The following GPC6 variants were observed in gnomAD, a reference collection of about 807,000 sequenced individuals.
The protein encoded by GPC6 is glypican 6, also known as glypican-6.
Under a neutral mutation model 55.2 loss-of-function variants are expected in GPC6, and 14 were observed. The observed-to-expected ratio is 0.25, with a 90% confidence interval of 0.17 to 0.40. The LOEUF is 0.40. GPC6 is among the 10% of genes least tolerant of loss of function. GPC6 has a pLI of 1.00. For missense variants in GPC6, 641 were observed against 708.5 expected, an observed-to-expected ratio of 0.90 and a Z score of 1.08; for synonymous variants, 278 against 259.6, an observed-to-expected ratio of 1.07 and a Z score of -0.68.
intron 1 of GPC6, among the ~76,000 whole-genome samples, chr13:93,480,923 T>C (rs1398542259): frequency 1.3e-5 from 2 of 152,240 alleles, no homozygotes; most frequent in South Asian, 2.1e-4. Flanking sequence ...TATATGTTTT[T>C]ATGTGAGGGA....
Position 94,372,505 on chromosome 13 carries a change from C to T in GPC6, c.1153-9909C>T, listed in dbSNP as rs1394251535. On this transcript the variant is annotated intron_variant, in intron 6 of 8. Transcript: ENST00000377047. The stretch of plus-strand genomic sequence containing the variant: ...CCACCCGAATACTGCACTTTTCCGA[C>T]GGGCTTAAAAAACGGCGCACCACGA... 2.0e-4 allele frequency among the ~76,000 whole-genome samples: 31 copies of T among 151,978 alleles called. No individual in the cohort carries two copies. In the East Asian group the frequency reaches 5.6e-3, roughly 28 times the overall value.
intron 6 of GPC6, among the ~76,000 whole-genome samples, chr13:94,372,724 G>GGCCT (rs765681201): frequency 8.5e-5 from 13 of 152,196 alleles, no homozygotes; most frequent in Non-Finnish European, 1.3e-4. Flanking sequence ...AGCTCAAGGA[G>GGCCT]GCCTGCCTGC....
At chr13:94,379,091 C>T (rs764502868) in intron 6 of GPC6, among the ~76,000 whole-genome samples, 2 of 151,906 alleles carry the variant, frequency 1.3e-5, no homozygotes, top group African/African-American at 2.4e-5. Context: ...ACCTCAGGTC[C>T]GGAGCTACAG....
intron 1 of GPC6, among the ~76,000 whole-genome samples, chr13:93,263,076 TA>T (rs1366283533): frequency 3.9e-5 from 6 of 152,300 alleles, no homozygotes; most frequent in African/African-American, 1.4e-4. Flanking sequence ...GTGATGCTAC[TA>T]ATTTTTACAA....
intron 4 of GPC6, among the ~76,000 whole-genome samples, chr13:94,150,837 TTG>T (rs1555301327): frequency 4.4e-4 from 63 of 143,946 alleles, no homozygotes; most frequent in African/African-American, 5.7e-4. Flanking sequence ...TATATGTTTA[TTG>T]AATGAGTAAA....
chr13:93,829,263 G>T (rs1368857011), intron 2 of GPC6, among the ~76,000 whole-genome samples: 1 of 152,128 alleles, frequency 6.6e-6, no homozygotes, highest in African/African-American at 2.4e-5. Flanking sequence ...TGTGCAAAAG[G>T]ATAGGTGCCC....
At chr13:93,825,181 G>GGACATTTGATAATGTTTGAT (rs1327758470) in intron 2 of GPC6, among the ~76,000 whole-genome samples, 1 of 152,144 alleles carries the variant, frequency 6.6e-6, no homozygotes, top group Non-Finnish European at 1.5e-5. Flanking sequence ...GTCCCCAAGA[G>GGACATTTGATAATGTTTGAT]GACATTTGAT....
At chr13:93,338,207 A>G (rs527624399) in intron 1 of GPC6, among the ~76,000 whole-genome samples, 1 of 152,316 alleles carries the variant, frequency 6.6e-6, no homozygotes, top group Admixed American at 6.5e-5. Flanking sequence ...TGAGTTGAAT[A>G]TGGGCATTGT....
chr13:94,053,637 A>G (rs1323522452), intron 4 of GPC6, among the ~76,000 whole-genome samples: 1 of 152,158 alleles, frequency 6.6e-6, no homozygotes, highest in Non-Finnish European at 1.5e-5. Context: ...CACTTTCAAA[A>G]GTATTCCTGT....
chr13:94,258,517 C>G (rs1891566049), intron 4 of GPC6, among the ~76,000 whole-genome samples: 1 of 152,182 alleles, frequency 6.6e-6, no homozygotes, highest in African/African-American at 2.4e-5. Flanking sequence ...TATGATGTTG[C>G]TTTTTCTATC....
chr13:94,255,473 T>C (rs1284013599), intron 4 of GPC6, among the ~76,000 whole-genome samples: 2 of 152,158 alleles, frequency 1.3e-5, no homozygotes, highest in Non-Finnish European at 2.9e-5. Context: ...AGAGAAGCCA[T>C]GTGTGGAAGG....
At chr13:94,337,063 A>G (rs1042956996) in intron 6 of GPC6, among the ~76,000 whole-genome samples, 3 of 152,220 alleles carry the variant, frequency 2.0e-5, no homozygotes, top group Non-Finnish European at 4.4e-5. Flanking sequence ...ACCTCCTTCT[A>G]CTTTCACCCT....
chr13:94,320,581 T>C (rs1876768557), intron 6 of GPC6, among the ~76,000 whole-genome samples: 3 of 152,226 alleles, frequency 2.0e-5, no homozygotes, highest in Non-Finnish European at 4.4e-5. Context: ...GGTGGGTTAG[T>C]GATACTGGCT....
chr13:94,212,056 T>C (rs906619410), intron 4 of GPC6, among the ~76,000 whole-genome samples: 56 of 152,220 alleles, frequency 3.7e-4, no homozygotes, highest in Admixed American at 3.7e-3. Context: ...CCCTTTTTTA[T>C]ATCCAATTCT....
rs563053987 is a variant in GPC6, at chr13:94,061,785, G to T, written c.877+33891G>T. On this transcript the variant is annotated intron_variant, in intron 4 of 8. Coordinates refer to ENST00000377047, the MANE Select transcript of GPC6 (RefSeq NM_005708.5). ...GTATGACATCCATCGGGGAGAGTCAGCCCTGGGGGAAAAAAAAAAAACAAA... is the reference window on the plus strand; with the variant it reads ...GTATGACATCCATCGGGGAGAGTCATCCCTGGGGGAAAAAAAAAAAACAAA... 5.4e-5 allele frequency among the ~76,000 whole-genome samples: 8 copies of T among 148,662 alleles called. No individual in the cohort carries two copies. In the South Asian group the frequency reaches 1.3e-3, roughly 24 times the overall value.
At chr13:94,037,073 A>T (rs956032201) in intron 4 of GPC6, among the ~76,000 whole-genome samples, 1 of 152,058 alleles carries the variant, frequency 6.6e-6, no homozygotes, top group Non-Finnish European at 1.5e-5. Context: ...CAACCAGACG[A>T]GAGAACTAAA....
chr13:93,488,872 C>A (rs1345869513), intron 1 of GPC6, among the ~76,000 whole-genome samples: 1 of 151,942 alleles, frequency 6.6e-6, no homozygotes, highest in Non-Finnish European at 1.5e-5. Flanking sequence ...GGATATTAGA[C>A]CTTTGTCAGA....
intron 4 of GPC6, among the ~76,000 whole-genome samples, chr13:94,086,551 C>A (rs1030972203): frequency 1.1e-4 from 16 of 151,954 alleles, no homozygotes; most frequent in African/African-American, 3.6e-4. Context: ...TAAGTGGAAG[C>A]ACATGACTTA....
intron 4 of GPC6, among the ~76,000 whole-genome samples, chr13:94,228,907 A>C (rs897786598): frequency 6.6e-6 from 1 of 152,078 alleles, no homozygotes; most frequent in Non-Finnish European, 1.5e-5. Flanking sequence ...GCCAATGGGG[A>C]TTACTTACAC....
Sources: gnomAD v4.1 joint callset for allele counts (sites outside exome capture counted in the v4.1 genomes callset) on GRCh38, gnomAD v4.1.1 for gene constraint, MANE v1.5 for transcripts, NCBI Gene and HGNC (gene_info 2026-07-23, HGNC 2026-07-21) for gene names.